The following PITPNM2 variants were observed in gnomAD, a reference collection of about 807,000 sequenced individuals.
The protein encoded by PITPNM2 is membrane-associated phosphatidylinositol transfer protein 2.
In PITPNM2, 35 loss-of-function variants were observed where a neutral mutation model predicts 132.2. That is an observed-to-expected ratio of 0.26 (90% CI 0.20 to 0.35). The LOEUF (loss-of-function observed/expected upper bound fraction) is 0.35. Among genes scored for constraint, PITPNM2 ranks in the 10% least tolerant of loss-of-function variants. The probability of loss-of-function intolerance (pLI) is 1.00; values close to 1 mark genes in which losing one functional copy is unlikely to be tolerated. For synonymous variants in PITPNM2, 738 were observed against 799.2 expected, an observed-to-expected ratio of 0.92 and a Z score of 1.29; for missense variants, 1,332 against 1,912.0, an observed-to-expected ratio of 0.70 and a Z score of 5.66.
rs2038340423 is a variant in PITPNM2, at chr12:122,994,654, T to C, written c.2233+147A>G. On this transcript the variant is annotated intron_variant, in intron 15 of 25. Transcript: ENST00000320201. The surrounding 1 kb of genome is among the most constrained non-coding windows in gnomAD (Gnocchi z 5.4). ...GAGCTGCTGAAGCAGGAGCAGAGGATAGCAAGGGGCCCTTGGTGGGGAAGA... is the reference window on the plus strand; with the variant it reads ...GAGCTGCTGAAGCAGGAGCAGAGGACAGCAAGGGGCCCTTGGTGGGGAAGA... The C allele has an allele frequency of 1.1e-6, 1 of 905,098 alleles. No homozygotes were observed. The allele number at this position is 905,098 out of a possible 1,614,324, so 56.1% of individuals were successfully genotyped here.
chr12:123,038,987 G>A (rs1236679286), intron 2 of PITPNM2, among the ~76,000 whole-genome samples: 1 of 151,404 alleles, frequency 6.6e-6, no homozygotes, highest in African/African-American at 2.4e-5. Context: ...GCAGACACCT[G>A]TAATCCAGAC....
chr12:123,132,223 A>G (rs1182092007), intron 1 of PITPNM2, among the ~76,000 whole-genome samples: 2 of 152,232 alleles, frequency 1.3e-5, no homozygotes, highest in African/African-American at 4.8e-5. Context: ...CAGGTGCACA[A>G]GCGTTGCAGA....
At chr12:123,086,065 G>A (rs927329470) in intron 2 of PITPNM2, among the ~76,000 whole-genome samples, 1 of 152,232 alleles carries the variant, frequency 6.6e-6, no homozygotes, top group Admixed American at 6.5e-5. Flanking sequence ...TCCGTAACCT[G>A]CTTCCTACGT....
At chr12:122,991,615 G>T in intron 16 of PITPNM2, 1 of 948,854 alleles carries the variant, frequency 1.1e-6, no homozygotes, top group Non-Finnish European at 1.4e-6. Flanking sequence ...CCCCAGAGCC[G>T]TCCTGCCCAA....
chr12:123,125,864 G>GT (rs373787897), intron 1 of PITPNM2, among the ~76,000 whole-genome samples: 41,892 of 64,920 alleles, frequency 0.65, 15,637 homozygotes, highest in South Asian at 0.8. Flanking sequence ...AAAAATTAGG[G>GT]TTTTTTTTTT....
chr12:123,122,016 T>A (rs2043043218), intron 1 of PITPNM2, among the ~76,000 whole-genome samples: 1 of 152,268 alleles, frequency 6.6e-6, no homozygotes, highest in East Asian at 1.9e-4. Flanking sequence ...CACACCGCCA[T>A]GCCCATCTAA....
Position 123,083,249 on chromosome 12 carries a change from G to C in PITPNM2, c.-96+27136C>G, listed in dbSNP as rs1381990754. On this transcript the variant is annotated intron_variant, in intron 2 of 25. Transcript: ENST00000320201. This position sits in a 1 kb window ranked among gnomAD's most constrained non-coding sequence, Gnocchi z 4.5. ...TCTCCTACTAGAATGGAGTCTCTAC[G>C]AGGGCAGGGATGTTGGTTGGCTGTA... The C allele has an allele frequency of 6.6e-6, 1 of 152,224 alleles. No homozygotes were observed. The highest frequency in any genetic ancestry group is 1.5e-5 in the Non-Finnish European group (1 of 68,042). 9.4% of individuals were successfully genotyped at this position (152,224 alleles called of 1,614,324 possible).
chr12:123,035,051 T>C (rs908234206), intron 2 of PITPNM2, among the ~76,000 whole-genome samples: 3 of 152,188 alleles, frequency 2.0e-5, no homozygotes, highest in African/African-American at 7.2e-5. Flanking sequence ...CAGTGAGTAA[T>C]GATAGCTGGT....
At chr12:123,011,597 AG>A (rs2039206128) in intron 5 of PITPNM2, among the ~76,000 whole-genome samples, 1 of 152,236 alleles carries the variant, frequency 6.6e-6, no homozygotes, top group African/African-American at 2.4e-5. Flanking sequence ...TCAAGTTAAA[AG>A]TAAGGCCATT....
rs2040087999 is a variant in PITPNM2, at chr12:123,031,537, A to C, written c.78+2976T>G. Among the ~76,000 whole-genome samples the C allele has an allele frequency of 6.6e-6, 1 of 152,176 alleles. No individual in the cohort carries two copies. Among genetic ancestry groups the C allele is most frequent in the African/African-American group, 2.4e-5 (1 of 41,440 alleles). ...ACCTCAAACACAGCAATTAGTCCTC[A>C]GGCCGGAGACAGCACACACCAAGAA... On this transcript the variant is annotated intron_variant, in intron 3 of 25. Coordinates refer to ENST00000320201, the MANE Select transcript of PITPNM2 (RefSeq NM_020845.3). This position sits in a 1 kb window ranked among gnomAD's most constrained non-coding sequence, Gnocchi z 4.5.
chr12:123,125,279 C>T (rs2043114016), intron 1 of PITPNM2, among the ~76,000 whole-genome samples: 1 of 152,022 alleles, frequency 6.6e-6, no homozygotes, highest in South Asian at 2.1e-4. Context: ...CTAAAGCACT[C>T]AAAAAACAAT....
At chr12:123,148,220 G>A (rs1378021668) in intron 1 of PITPNM2, among the ~76,000 whole-genome samples, 1 of 152,162 alleles carries the variant, frequency 6.6e-6, no homozygotes, top group Non-Finnish European at 1.5e-5. Context: ...TGGAGGCAGG[G>A]AGTCCTGTTA....
intron 2 of PITPNM2, among the ~76,000 whole-genome samples, chr12:123,065,760 C>T (rs1376816316): frequency 6.6e-6 from 1 of 152,110 alleles, no homozygotes; most frequent in Non-Finnish European, 1.5e-5. Context: ...GACATCATCC[C>T]CAAGGTGGTC....
intron 2 of PITPNM2, among the ~76,000 whole-genome samples, chr12:123,104,908 G>A (rs868739189): frequency 1.3e-5 from 2 of 152,024 alleles, no homozygotes; most frequent in African/African-American, 2.4e-5. Flanking sequence ...AGCACAATTC[G>A]GATCCTGACC....
At chr12:123,054,389 C>G (rs991517466) in intron 2 of PITPNM2, among the ~76,000 whole-genome samples, 1 of 152,300 alleles carries the variant, frequency 6.6e-6, no homozygotes, top group East Asian at 1.9e-4. Flanking sequence ...TTTGTTCTAT[C>G]AGATTTAGGG....
In PITPNM2 at chr12:123,008,179, T is replaced by A. The variant is rs769005663; in HGVS notation, c.643+1671A>T. Among the ~76,000 whole-genome samples, 38 of 152,154 alleles carry A rather than the reference T, an allele frequency of 2.5e-4. No individual in the cohort carries two copies. The highest frequency in any genetic ancestry group is 5.1e-4 in the Non-Finnish European group (35 of 68,026). ...TTCCCACCAGCCACAAGCTCCTGCT[T>A]TCTGAGGGGAGAACTGACTTTCAGG... On this transcript the variant is annotated intron_variant, in intron 6 of 25. Coordinates refer to ENST00000320201, the MANE Select transcript of PITPNM2 (RefSeq NM_020845.3). The surrounding 1 kb of genome is among the most constrained non-coding windows in gnomAD (Gnocchi z 4.1).
At chr12:123,104,397 T>C (rs919190254) in intron 2 of PITPNM2, among the ~76,000 whole-genome samples, 6 of 152,070 alleles carry the variant, frequency 3.9e-5, no homozygotes, top group Admixed American at 2.6e-4. Context: ...ACAAAAGAAG[T>C]GAATATGCCC....
chr12:123,037,454 TG>T (rs1436550594), intron 2 of PITPNM2, among the ~76,000 whole-genome samples: 1 of 152,212 alleles, frequency 6.6e-6, no homozygotes, highest in East Asian at 1.9e-4. Flanking sequence ...TACACCTGTG[TG>T]ACGTGCAGCA....
intron 2 of PITPNM2, chr12:123,092,197 G>T (rs2042285852): frequency 6.6e-6 from 1 of 152,124 alleles, no homozygotes; most frequent in Non-Finnish European, 1.5e-5. Flanking sequence ...CAAGAACCAA[G>T]GATTGGCTCT....
Sources: gnomAD v4.1 joint callset for allele counts (sites outside exome capture counted in the v4.1 genomes callset) on GRCh38, gnomAD v4.1.1 for gene constraint, Gnocchi (gnomAD v3.1) non-coding constraint, MANE v1.5 for transcripts, NCBI Gene and HGNC (gene_info 2026-07-23, HGNC 2026-07-21) for gene names.